The following BRCA2 variants were observed in gnomAD, a reference collection of about 807,000 sequenced individuals.
The protein encoded by BRCA2 is breast cancer type 2 susceptibility protein.
Under a neutral mutation model 276.7 loss-of-function variants are expected in BRCA2, and 203 were observed. That is an observed-to-expected ratio of 0.73 (90% CI 0.65 to 0.82). The LOEUF (loss-of-function observed/expected upper bound fraction) is 0.82. BRCA2 is among the 40% of genes least tolerant of loss of function. BRCA2 has a pLI of 0.00. For synonymous variants in BRCA2, 1,289 were observed against 1,338.4 expected (o/e 0.96, Z 0.81); for missense variants, 3,920 against 3,915.0 (o/e 1.00, Z -0.03).
chr13:32,336,718 G>A lies in BRCA2; in HGVS notation c.2363G>A (p.Gly788Asp), dbSNP rs886039316. 11 of 1,613,926 alleles carry A rather than the reference G, an allele frequency of 6.8e-6. No individual in the cohort carries two copies. The highest frequency in any genetic ancestry group is 1.7e-5 in the Admixed American group (1 of 59,986). The change falls in exon 11 of 27, where the codon GGC becomes GAC. Residue 788 changes from glycine (G) to aspartate (D), a missense_variant. Transcript: ENST00000380152. ...TCAAACCTAGTCATGATTTCTAGAG[G>A]CAAAGAATCATACAAAATGTCAGAC... is the stretch of plus-strand genomic sequence containing the variant. ...VLSNLVMISR[G>D]KESYKMSDKL...
upstream of BRCA2, chr13:32,315,253 G>A (rs2072241993): frequency 6.6e-6 from 1 of 152,456 alleles, no homozygotes; most frequent in South Asian, 2.1e-4. Flanking sequence ...TAGGCATAGG[G>A]GCGGCCCCTC....
chr13:32,326,456 C>G (rs2137451649), intron 6 of BRCA2, 43 bp from the exon 7 acceptor site: 1 of 1,494,766 alleles, frequency 6.7e-7, no homozygotes, highest in South Asian at 1.1e-5. Context: ...CCTTAATGAT[C>G]AGGGCATTTC....
At chr13:32,344,947 G>A (rs535114312) in intron 12 of BRCA2, among the ~76,000 whole-genome samples, 39 of 152,138 alleles carry the variant, frequency 2.6e-4, no homozygotes, top group African/African-American at 8.9e-4. Context: ...TGAGTTATGC[G>A]GATCTTCCGA....
Position 32,362,632 on chromosome 13 carries a change from C to G in BRCA2, c.7915C>G (p.Pro2639Ala), listed in dbSNP as rs80359017. 6 of 1,614,170 alleles carry G rather than the reference C, an allele frequency of 3.7e-6. No individual in the cohort carries two copies. The highest frequency in any genetic ancestry group is 5.1e-6 in the Non-Finnish European group (6 of 1,180,042). Residue 2639 changes from proline (P) to alanine (A), a missense_variant, in exon 17 of 27, where the codon CCT (proline) becomes GCT (alanine). By Grantham distance (27) the Pro-to-Ala change is conservative. Coordinates refer to ENST00000380152, the MANE Select transcript of BRCA2 (RefSeq NM_000059.4). ...WKLAAMECAFPKEFANRCLSP... is the reference protein window; with the variant it reads ...WKLAAMECAFAKEFANRCLSP... ...ACTGGCAGCTATGGAATGTGCCTTT[C>G]CTAAGGAATTTGCTAATAGATGCCT... is the stretch of plus-strand genomic sequence containing the variant.
intron 8 of BRCA2, among the ~76,000 whole-genome samples, chr13:32,329,900 A>G (rs1007749874): frequency 1.3e-5 from 2 of 152,210 alleles, no homozygotes; most frequent in African/African-American, 2.4e-5. Context: ...ATTAACAAGA[A>G]CTAATAATAA....
intron 13 of BRCA2, among the ~76,000 whole-genome samples, chr13:32,347,361 A>G (rs1252573612): frequency 5.3e-5 from 8 of 152,218 alleles, no homozygotes; most frequent in Non-Finnish European, 1.5e-5. Flanking sequence ...ACCTGACACT[A>G]GAGCAAACAG....
At chr13:32,396,826 A>G (rs1566260012) in intron 25 of BRCA2, 72 bp from the exon 26 acceptor site, 1 of 1,581,296 alleles carries the variant, frequency 6.3e-7, no homozygotes, top group South Asian at 1.1e-5. Context: ...CTGCTTTTAA[A>G]GGAAATACTT....
intron 3 of BRCA2, among the ~76,000 whole-genome samples, chr13:32,319,618 G>A (rs2072292794): frequency 6.6e-6 from 1 of 152,136 alleles, no homozygotes; most frequent in Admixed American, 6.5e-5. Flanking sequence ...CCTAGGACTT[G>A]TTTTGATGTT....
rs80359244 is a variant in BRCA2 at position 32,398,333 on chromosome 13, T to G, written c.9820T>G (p.Leu3274Val). The change falls in exon 27 of 27, where the codon TTG (leucine) becomes GTG (valine). Residue 3274 changes from leucine to valine, a missense_variant. Around this residue, in one of 2 missense-constraint regions of BRCA2, gnomAD observed 657 missense variants for 758.2 expected, o/e 0.87. Coordinates refer to ENST00000380152, the MANE Select transcript of BRCA2 (RefSeq NM_000059.4). The stretch of plus-strand genomic sequence containing the variant: ...CAAAAAGAGAAGAGCCTTGGATTTC[T>G]TGAGTAGACTGCCTTTACCTCCACC... Reference protein sequence around the residue: ...NCKKRRALDFLSRLPLPPPVS... With the variant: ...NCKKRRALDFVSRLPLPPPVS... The G allele has an allele frequency of 2.5e-6, 4 of 1,614,098 alleles. No individual in the cohort carries two copies. In the African/African-American group the frequency reaches 5.3e-5, roughly 22 times the overall value.
chr13:32,362,720 A>G, intron 17 of BRCA2, 27 bp downstream of exon 17: 1 of 1,611,788 alleles, frequency 6.2e-7, no homozygotes, highest in African/African-American at 1.3e-5. Flanking sequence ...ACATTACGTA[A>G]TCATATACGG....
rs1476814134 is a variant in BRCA2 at position 32,398,202 on chromosome 13, T to C, written c.9689T>C (p.Leu3230Ser). The change falls in exon 27 of 27, where the codon TTA becomes TCA. Residue 3230 changes from leucine to serine, a missense_variant. Around this residue, in one of 2 missense-constraint regions of BRCA2, gnomAD observed 657 missense variants for 758.2 expected, o/e 0.87. Coordinates refer to ENST00000380152, the MANE Select transcript of BRCA2 (RefSeq NM_000059.4). Reference sequence around the variant, plus strand: ...TGTGAGATATATTATCAAAGTCCTTTATCACTTTGTATGGCCAAAAGGAAG... The same window carrying C: ...TGTGAGATATATTATCAAAGTCCTTCATCACTTTGTATGGCCAAAAGGAAG... ...PNCEIYYQSPLSLCMAKRKSV... is the reference protein window; with the variant it reads ...PNCEIYYQSPSSLCMAKRKSV... The C allele has an allele frequency of 1.2e-6, 2 of 1,612,166 alleles. No homozygotes were observed. Among genetic ancestry groups the C allele is most frequent in the Non-Finnish European group, 1.7e-6 (2 of 1,179,066 alleles).
chr13:32,323,142 TTTTA>T (rs1483460631), intron 3 of BRCA2, among the ~76,000 whole-genome samples: 3 of 143,580 alleles, frequency 2.1e-5, no homozygotes, highest in Non-Finnish European at 1.5e-5. Context: ...TCATTGTTTG[TTTTA>T]TTTAATTTTT....
At chr13:32,332,189 G>GTGCTAAAT (rs1339609636) in intron 9 of BRCA2, 83 bp from the exon 10 acceptor site, 129 of 1,315,524 alleles carry the variant, frequency 9.8e-5, no homozygotes, top group Non-Finnish European at 1.3e-4. Flanking sequence ...TACATAAACT[G>GTGCTAAAT]TTTCTATGAG....
chr13:32,399,870 C>T lies in BRCA2; in HGVS notation c.*1100C>T, dbSNP rs2073070447. Reference sequence around the variant, plus strand: ...CATGATCCTGGCTCACTGCAGCCTCCACTTCCCGGGTTCACGTAATTCTCC... The same window carrying T: ...CATGATCCTGGCTCACTGCAGCCTCTACTTCCCGGGTTCACGTAATTCTCC... On this transcript the variant is annotated 3_prime_UTR_variant, in exon 27 of 27. Transcript: ENST00000380152. The T allele has an allele frequency of 6.6e-6, 1 of 152,028 alleles. No individual in the cohort carries two copies. The highest frequency in any genetic ancestry group is 2.4e-5 in the African/African-American group (1 of 41,210). 9.4% of individuals were successfully genotyped at this position (152,028 alleles called of 1,614,324 possible).
At chr13:32,366,354 T>A (rs755081231) in intron 18 of BRCA2, among the ~76,000 whole-genome samples, 1 of 152,236 alleles carries the variant, frequency 6.6e-6, no homozygotes, top group African/African-American at 2.4e-5. Context: ...GTATGTTGTA[T>A]GTGTATACTC....
Position 32,398,915 on chromosome 13 carries a change from CG to C in BRCA2, c.*148del, listed in dbSNP as rs1261904404. ...CAAATTTACCTCAGCGTTTGTGTAT[CG>C]GGCAAAAATCGTTTTGCCCGATTCC... On this transcript the variant is annotated 3_prime_UTR_variant, in exon 27 of 27. Transcript: ENST00000380152. 3 of 1,116,910 alleles carry C rather than the reference CG, an allele frequency of 2.7e-6. No individual in the cohort carries two copies. The highest frequency in any genetic ancestry group is 3.7e-6 in the Non-Finnish European group (3 of 814,844). 69.2% of individuals were successfully genotyped at this position (1,116,910 alleles called of 1,614,324 possible).
chr13:32,371,256 G>A (rs982619037), intron 20 of BRCA2, among the ~76,000 whole-genome samples, 156 bp downstream of exon 20: 2 of 151,976 alleles, frequency 1.3e-5, no homozygotes, highest in East Asian at 3.9e-4. Flanking sequence ...TTTGGTGTTA[G>A]ACAAAGAATA....
rs876658560 is a variant in BRCA2, at chr13:32,338,879, A to G, written c.4524A>G (p.Gly1508=). The part of the protein sequence containing the change: ...GTGNQLVTFQ[G]QPERDEKIKE... ...GAAATCAACTAGTGACCTTCCAGGG[A>G]CAACCCGAACGTGATGAAAAGATCA... is the stretch of plus-strand genomic sequence containing the variant. The change falls in exon 11 of 27, where the codon GGA becomes GGG. Residue 1508 remains glycine (G), a synonymous_variant. Transcript: ENST00000380152. The G allele has an allele frequency of 6.2e-7, 1 of 1,613,998 alleles. No individual in the cohort carries two copies. Among genetic ancestry groups the G allele is most frequent in the Non-Finnish European group, 8.5e-7 (1 of 1,179,936 alleles).
Position 32,399,585 on chromosome 13 carries a change from T to A in BRCA2, c.*815T>A, listed in dbSNP as rs1047357751. 5.6e-6 allele frequency: 1 copy of A among 177,896 alleles called. No individual in the cohort carries two copies. Among genetic ancestry groups the A allele is most frequent in the African/African-American group, 2.4e-5 (1 of 41,564 alleles). The allele number at this position is 177,896 out of a possible 1,614,324, so 11.0% of individuals were successfully genotyped here. A position where few individuals can be genotyped will look rare whatever the true frequency, so the allele number is the denominator to read the frequency against. On this transcript the variant is annotated 3_prime_UTR_variant, in exon 27 of 27. Transcript: ENST00000380152. Reference sequence around the variant, plus strand: ...ATTCAAATACTTTAAATCAGAAGATTTCATAGTTAATTTATTTTTTTTTTC... The same window carrying A: ...ATTCAAATACTTTAAATCAGAAGATATCATAGTTAATTTATTTTTTTTTTC...
Sources: allele counts gnomAD v4.1 joint callset (sites outside exome capture counted in the v4.1 genomes callset), GRCh38; gene constraint gnomAD v4.1.1; regional missense constraint gnomAD v4.1.1; transcripts MANE v1.5; gene names NCBI Gene and HGNC (gene_info 2026-07-23, HGNC 2026-07-21).